The following CDKAL1 variants were observed in gnomAD, a reference collection of about 807,000 sequenced individuals.
CDKAL1 encodes threonylcarbamoyladenosine tRNA methylthiotransferase.
CDKAL1 carries 32 observed loss-of-function variants against 68.2 expected under a neutral mutation model. The observed-to-expected ratio is 0.47, with a 90% CI of 0.35 to 0.63. The LOEUF is 0.63. CDKAL1 is among the 30% of genes least tolerant of loss of function. CDKAL1 has a pLI of 0.00. For missense variants in CDKAL1, 606 were observed against 696.7 expected, an observed-to-expected ratio of 0.87 and a Z score of 1.47; for synonymous variants, 234 against 244.3, an observed-to-expected ratio of 0.96 and a Z score of 0.39.
intron 7 of CDKAL1, among the ~76,000 whole-genome samples, chr6:20,778,705 A>G (rs1333744572): frequency 1.3e-5 from 2 of 152,230 alleles, no homozygotes; most frequent in Non-Finnish European, 2.9e-5. Flanking sequence ...CTTGAGACCC[A>G]AGAAGAGCCA....
chr6:20,663,358 G>A (rs1210866188), intron 5 of CDKAL1, among the ~76,000 whole-genome samples: 1 of 151,946 alleles, frequency 6.6e-6, no homozygotes, highest in Non-Finnish European at 1.5e-5. Context: ...ATAAACTTTG[G>A]GACAAGATAC....
chr6:20,812,796 G>T (rs1024428155), intron 8 of CDKAL1, among the ~76,000 whole-genome samples: 1 of 152,136 alleles, frequency 6.6e-6, no homozygotes, highest in African/African-American at 2.4e-5. Flanking sequence ...CCTGTTGATA[G>T]ATACCTGGTT....
At chr6:20,544,577 C>T (rs1404156532) in intron 2 of CDKAL1, among the ~76,000 whole-genome samples, 1 of 101,162 alleles carries the variant, frequency 9.9e-6, no homozygotes, top group African/African-American at 4.1e-5. Context: ...GCCTGGGCCA[C>T]AGAGCGAAAC....
chr6:20,947,869 A>G (rs1764328638), intron 9 of CDKAL1, among the ~76,000 whole-genome samples: 1 of 152,184 alleles, frequency 6.6e-6, no homozygotes, highest in Non-Finnish European at 1.5e-5. Context: ...TCGCTTTCAC[A>G]CCGTCATAAA....
In CDKAL1 at chr6:21,185,715, CATTAAGTCTGA is replaced by C. The variant is rs1408903477; in HGVS notation, c.1300-12305_1300-12295del. On this transcript the variant is annotated intron_variant, in intron 13 of 15. Transcript: ENST00000274695. ...ATTTGTTAGAATTTCAATTTGGCTTCATTAAGTCTGAGACAGTGAAGTAATACTAAGGGAGA... is the reference window on the plus strand; with the variant it reads ...ATTTGTTAGAATTTCAATTTGGCTTCGACAGTGAAGTAATACTAAGGGAGA... 3.2e-4 allele frequency among the ~76,000 whole-genome samples: 48 copies of C among 152,168 alleles called. 1 individual carries two copies. The highest frequency in any genetic ancestry group is 1.2e-3 in the African/African-American group (48 of 41,512).
intron 11 of CDKAL1, among the ~76,000 whole-genome samples, chr6:21,033,086 G>C (rs1769385252): frequency 6.6e-6 from 1 of 152,170 alleles, no homozygotes; most frequent in South Asian, 2.1e-4. Flanking sequence ...TGGTAAACTG[G>C]TTTGGTTTTA....
chr6:21,159,521 T>C (rs970203470), intron 13 of CDKAL1, among the ~76,000 whole-genome samples: 3 of 152,196 alleles, frequency 2.0e-5, no homozygotes, highest in Non-Finnish European at 2.9e-5. Context: ...ATGTGTGTGA[T>C]TATTTGATCA....
rs1306798050 is a variant in CDKAL1, at chr6:20,548,625, G to A, written c.206G>A (p.Arg69Gln). Residue 69 changes from arginine (R) to glutamine (Q), a missense_variant, in exon 4 of 16, where the codon CGA becomes CAA. Coordinates refer to ENST00000274695, the MANE Select transcript of CDKAL1 (RefSeq NM_017774.3). ...CCAGGCATACAGAAAATTTGGATACGAACATGGGGTTGTTCTCATAATAAT... is the reference window on the plus strand; with the variant it reads ...CCAGGCATACAGAAAATTTGGATACAAACATGGGGTTGTTCTCATAATAAT... ...TIPGIQKIWI[R>Q]TWGCSHNNSD... 3.8e-6 allele frequency: 6 copies of A among 1,588,404 alleles called. No individual in the cohort carries two copies. In the African/African-American group the frequency reaches 4.1e-5, roughly 11 times the overall value.
intron 5 of CDKAL1, among the ~76,000 whole-genome samples, chr6:20,738,488 T>G (rs951797455): frequency 4.8e-4 from 68 of 142,578 alleles, no homozygotes; most frequent in African/African-American, 1.7e-3. Context: ...CTTCTTAGTT[T>G]TTTTTTTTTT....
intron 5 of CDKAL1, among the ~76,000 whole-genome samples, chr6:20,692,737 T>TAA (rs113046618): frequency 5.3e-5 from 8 of 150,648 alleles, no homozygotes; most frequent in African/African-American, 1.9e-4. Flanking sequence ...CCCAGAACAT[T>TAA]AAAAAAAAAC....
chr6:20,927,082 T>C (rs984453965), intron 9 of CDKAL1, among the ~76,000 whole-genome samples: 1 of 152,124 alleles, frequency 6.6e-6, no homozygotes, highest in African/African-American at 2.4e-5. Context: ...GCTGCTCATA[T>C]TTTCTTTGTC....
rs571450820 is a variant in CDKAL1, at chr6:20,628,527, A to G, written c.287-20766A>G. Among the ~76,000 whole-genome samples the G allele has an allele frequency of 6.6e-5, 10 of 152,218 alleles. No individual in the cohort carries two copies. In the East Asian group the frequency reaches 1.9e-3, roughly 29 times the overall value. ...TTTATTAACATAATTACATGTGACTATTCTTTCTTATTTTGGCTTTTAAAA... is the reference window on the plus strand; with the variant it reads ...TTTATTAACATAATTACATGTGACTGTTCTTTCTTATTTTGGCTTTTAAAA... On this transcript the variant is annotated intron_variant, in intron 4 of 15. Coordinates refer to ENST00000274695, the MANE Select transcript of CDKAL1 (RefSeq NM_017774.3).
At chr6:20,747,633 G>GA (rs1198578250) in intron 6 of CDKAL1, among the ~76,000 whole-genome samples, 1 of 152,032 alleles carries the variant, frequency 6.6e-6, no homozygotes, top group Non-Finnish European at 1.5e-5. Flanking sequence ...GTTTCCTTTG[G>GA]AAAAATGTCT....
intron 5 of CDKAL1, among the ~76,000 whole-genome samples, chr6:20,719,624 T>C (rs1255375427): frequency 6.6e-6 from 1 of 152,232 alleles, no homozygotes. Context: ...TTAATTAAAA[T>C]ATTTTATGTT....
chr6:21,124,631 G>C (rs1401992363), intron 13 of CDKAL1, among the ~76,000 whole-genome samples: 1 of 150,956 alleles, frequency 6.6e-6, no homozygotes, highest in Non-Finnish European at 1.5e-5. Context: ...ATCTGGGTTT[G>C]ACCTCGTTCT....
intron 4 of CDKAL1, among the ~76,000 whole-genome samples, chr6:20,555,379 G>T (rs1474384690): frequency 8.5e-5 from 13 of 152,100 alleles, no homozygotes; most frequent in Admixed American, 8.5e-4. Context: ...GGAGTGCAGT[G>T]GCACGATCTG....
At chr6:20,848,267 T>G (rs960737460) in intron 9 of CDKAL1, among the ~76,000 whole-genome samples, 1 of 152,066 alleles carries the variant, frequency 6.6e-6, no homozygotes, top group Non-Finnish European at 1.5e-5. Flanking sequence ...TTTTGTTACT[T>G]GCTGGAAAGT....
chr6:21,144,388 A>G (rs942449391), intron 13 of CDKAL1, among the ~76,000 whole-genome samples: 2 of 152,214 alleles, frequency 1.3e-5, no homozygotes, highest in African/African-American at 4.8e-5. Context: ...CAACTATTGA[A>G]TGCTAAATAC....
intron 5 of CDKAL1, among the ~76,000 whole-genome samples, chr6:20,650,106 C>T (rs1768683473): frequency 6.6e-6 from 1 of 152,132 alleles, no homozygotes; most frequent in African/African-American, 2.4e-5. Flanking sequence ...GATCAAATGG[C>T]CTTTCTGGTT....
Sources: gnomAD v4.1 joint callset for allele counts (sites outside exome capture counted in the v4.1 genomes callset) on GRCh38, gnomAD v4.1.1 for gene constraint, MANE v1.5 for transcripts, NCBI Gene and HGNC (gene_info 2026-07-23, HGNC 2026-07-21) for gene names.